The following E2F3 variants were observed in gnomAD, a reference collection of about 807,000 sequenced individuals.
E2F3 encodes the protein E2F transcription factor 3, also known as transcription factor E2F3.
In E2F3, 11 loss-of-function variants were observed where a neutral mutation model predicts 44.4. The observed-to-expected ratio is 0.25, with a 90% CI of 0.16 to 0.41. E2F3 has a LOEUF of 0.41. E2F3 is among the 10% of genes least tolerant of loss of function. E2F3 has a pLI of 1.00. For missense variants in E2F3, 487 were observed against 583.6 expected (o/e 0.83, Z 1.70); for synonymous variants, 249 against 253.0 (o/e 0.98, Z 0.15).
intron 2 of E2F3, chr6:20,480,183 G>A: frequency 1.7e-6 from 1 of 575,820 alleles, no homozygotes; most frequent in African/African-American, 2.0e-5. Flanking sequence ...TTAACTGTAT[G>A]TAGTTTCATT....
At position 20,401,901 on chromosome 6, in the gene E2F3, C is replaced by T. The variant is rs1464493896; in HGVS notation, c.-332C>T. The T allele has an allele frequency of 2.6e-6, 1 of 385,846 alleles. No individual in the cohort carries two copies. The highest frequency in any genetic ancestry group is 4.6e-5 in the East Asian group (1 of 21,868). 23.9% of individuals were successfully genotyped at this position (385,846 alleles called of 1,614,324 possible). On this transcript the variant is annotated 5_prime_UTR_variant, in exon 1 of 7. Coordinates refer to ENST00000346618, the MANE Select transcript of E2F3 (RefSeq NM_001949.5). ...TTCATTCATTGTCAGCAGCAGCTTC[C>T]TGGAGCCATTTTTCAGCTGCCGGCC...
At chr6:20,426,790 A>T (rs1760229800) in intron 1 of E2F3, among the ~76,000 whole-genome samples, 1 of 151,812 alleles carries the variant, frequency 6.6e-6, no homozygotes, top group Non-Finnish European at 1.5e-5. Context: ...ATAGACTTTC[A>T]CTTCTTCCTT....
chr6:20,455,051 A>G (rs1561868980), intron 1 of E2F3, among the ~76,000 whole-genome samples: 1 of 152,206 alleles, frequency 6.6e-6, no homozygotes, highest in South Asian at 2.1e-4. Flanking sequence ...GGATGTGCGC[A>G]CTTGTTTTAA....
At chr6:20,441,199 T>C (rs1036542703) in intron 1 of E2F3, among the ~76,000 whole-genome samples, 1 of 152,194 alleles carries the variant, frequency 6.6e-6, no homozygotes, top group African/African-American at 2.4e-5. Context: ...TCTATTCTAC[T>C]TTCTGTCTGT....
intron 1 of E2F3, among the ~76,000 whole-genome samples, chr6:20,455,589 T>C (rs888177506): frequency 1.3e-5 from 2 of 152,230 alleles, no homozygotes; most frequent in African/African-American, 4.8e-5. Context: ...TGTACAATTT[T>C]CCCTGTAGCG....
intron 6 of E2F3, among the ~76,000 whole-genome samples, chr6:20,489,834 G>A (rs889722201): frequency 6.6e-6 from 1 of 152,082 alleles, no homozygotes; most frequent in Non-Finnish European, 1.5e-5. Flanking sequence ...ACCAGGCATG[G>A]TGGCTCACAC....
At chr6:20,403,313 C>T (rs1460800315) in intron 1 of E2F3, among the ~76,000 whole-genome samples, 1 of 151,778 alleles carries the variant, frequency 6.6e-6, no homozygotes, top group Non-Finnish European at 1.5e-5. Flanking sequence ...CTGGCCTGGG[C>T]GCATCCTGGC....
chr6:20,478,793 G>A (rs1269814891), intron 1 of E2F3, among the ~76,000 whole-genome samples: 1 of 152,192 alleles, frequency 6.6e-6, no homozygotes, highest in Non-Finnish European at 1.5e-5. Flanking sequence ...CTGGGCGACA[G>A]AGCAAGACTC....
chr6:20,455,121 A>G (rs925584307), intron 1 of E2F3, among the ~76,000 whole-genome samples: 1 of 152,220 alleles, frequency 6.6e-6, no homozygotes, highest in African/African-American at 2.4e-5. Context: ...ATGCAAGAAA[A>G]TGGTCCTGAA....
At chr6:20,479,279 C>T (rs1229111740) in intron 1 of E2F3, among the ~76,000 whole-genome samples, 1 of 152,188 alleles carries the variant, frequency 6.6e-6, no homozygotes, top group African/African-American at 2.4e-5. Flanking sequence ...TGAAAATCTA[C>T]AGAAACCCAG....
chr6:20,461,473 G>A (rs1344662689), intron 1 of E2F3, among the ~76,000 whole-genome samples: 1 of 152,138 alleles, frequency 6.6e-6, no homozygotes, highest in Non-Finnish European at 1.5e-5. Context: ...CAGCCTGGGC[G>A]ACAGAGCGAG....
rs771993003 is a variant in E2F3, at chr6:20,490,285, T to C, written c.1253T>C (p.Leu418Pro). 1 of 1,614,122 alleles carries C rather than the reference T, an allele frequency of 6.2e-7. No homozygotes were observed. The change falls in exon 7 of 7, where the codon CTA becomes CCA. Residue 418 changes from leucine to proline, a missense_variant. By Grantham distance (98) the Leu-to-Pro change is moderately conservative. Around this residue, in one of 3 missense-constraint regions of E2F3, gnomAD observed 220 missense variants for 261.7 expected, o/e 0.84. Coordinates refer to ENST00000346618, the MANE Select transcript of E2F3 (RefSeq NM_001949.5). The surrounding 1 kb of genome is among the most constrained non-coding windows in gnomAD (Gnocchi z 4.3). The part of the protein sequence containing the change: ...QQTEDQIPSN[L>P]EGPFVNLLPP... Reference sequence around the variant, plus strand: ...ACTGAGGACCAAATTCCTTCCAACCTAGAAGGACCGTTTGTGAACTTACTG... The same window carrying C: ...ACTGAGGACCAAATTCCTTCCAACCCAGAAGGACCGTTTGTGAACTTACTG...
intron 4 of E2F3, among the ~76,000 whole-genome samples, chr6:20,484,075 ATTGT>A (rs1211310973): frequency 6.6e-6 from 1 of 152,162 alleles, no homozygotes; most frequent in East Asian, 1.9e-4. Flanking sequence ...TGTTTCATTC[ATTGT>A]TTGGTTGGGA....
chr6:20,405,607 G>C (rs1759469246), intron 1 of E2F3, among the ~76,000 whole-genome samples: 1 of 152,166 alleles, frequency 6.6e-6, no homozygotes, highest in Non-Finnish European at 1.5e-5. Context: ...GGCGGATCAC[G>C]CGGTCAAGAG....
intron 1 of E2F3, among the ~76,000 whole-genome samples, chr6:20,433,332 C>A (rs1047737626): frequency 6.6e-6 from 1 of 152,150 alleles, no homozygotes; most frequent in South Asian, 2.1e-4. Flanking sequence ...ATGAATTAGA[C>A]CTGAAGGAGA....
chr6:20,401,902 T>C lies in E2F3; in HGVS notation c.-331T>C. 1.6e-5 allele frequency: 6 copies of C among 385,872 alleles called. No homozygotes were observed. In the South Asian group the frequency reaches 2.0e-4, roughly 13 times the overall value. 23.9% of individuals were successfully genotyped at this position (385,872 alleles called of 1,614,324 possible). Reference sequence around the variant, plus strand: ...TCATTCATTGTCAGCAGCAGCTTCCTGGAGCCATTTTTCAGCTGCCGGCCG... The same window carrying C: ...TCATTCATTGTCAGCAGCAGCTTCCCGGAGCCATTTTTCAGCTGCCGGCCG... On this transcript the variant is annotated 5_prime_UTR_variant, in exon 1 of 7. Transcript: ENST00000346618.
At chr6:20,420,963 C>T (rs982797995) in intron 1 of E2F3, among the ~76,000 whole-genome samples, 3 of 152,212 alleles carry the variant, frequency 2.0e-5, no homozygotes, top group African/African-American at 7.2e-5. Context: ...GCTTTATCAA[C>T]TAAATTTATG....
At chr6:20,419,196 T>C (rs1455411499) in intron 1 of E2F3, among the ~76,000 whole-genome samples, 1 of 152,206 alleles carries the variant, frequency 6.6e-6, no homozygotes, top group Non-Finnish European at 1.5e-5. Context: ...TGCCAGAATG[T>C]GTTTAGTTAT....
At chr6:20,486,061 G>A (rs1207972615) in intron 4 of E2F3, among the ~76,000 whole-genome samples, 2 of 151,956 alleles carry the variant, frequency 1.3e-5, no homozygotes, top group African/African-American at 4.8e-5. Flanking sequence ...AAAGGACCCT[G>A]GCTTCAAGAT....
Sources: gnomAD v4.1 joint callset for allele counts (sites outside exome capture counted in the v4.1 genomes callset) on GRCh38, gnomAD v4.1.1 for gene constraint, gnomAD v4.1.1 regional missense constraint, Gnocchi (gnomAD v3.1) non-coding constraint, MANE v1.5 for transcripts, NCBI Gene and HGNC (gene_info 2026-07-23, HGNC 2026-07-21) for gene names.